Variants in EBLN1 observed in about 807,000 individuals in gnomAD.
The protein encoded by EBLN1 is endogenous Bornavirus-like nucleoprotein 1.
A neutral mutation model predicts 0.8 loss-of-function variants in EBLN1; 1 was observed. The ratio of observed to expected loss-of-function variants is 1.32; its 90% CI spans 0.47 to 6.26. The LOEUF (loss-of-function observed/expected upper bound fraction) is 6.26, where lower values mean the gene tolerates loss of function less well. Among genes scored for constraint, EBLN1 ranks in the 30% most tolerant of loss-of-function variants. EBLN1 has a pLI of 0.15. For synonymous variants in EBLN1, 158 were observed against 158.5 expected (o/e 1.00, Z 0.02); for missense variants, 396 against 447.9 (o/e 0.88, Z 1.05).
intron 2 of EBLN1, among the ~76,000 whole-genome samples, chr10:22,211,681 TAG>T (rs1009827539): frequency 9.9e-5 from 15 of 152,064 alleles, no homozygotes; most frequent in African/African-American, 3.1e-4. Context: ...TTTGTAGAGA[TAG>T]AGTTTCGTCA....
rs547983982 is a variant in EBLN1 at position 22,215,709 on chromosome 10, C to T, written c.-169+2207G>A. Among the ~76,000 whole-genome samples the T allele has an allele frequency of 5.9e-5, 9 of 151,868 alleles. No individual in the cohort carries two copies. In the South Asian group the frequency reaches 1.2e-3, roughly 21 times the overall value. On this transcript the variant is annotated intron_variant, in intron 1 of 2. Transcript: ENST00000422359. ...TGGTGTAGCTTATAAAAACACTACA[C>T]AAGAAATTTTTCCTAAATATGAAAG...
rs397964164 is a variant in EBLN1, at chr10:22,212,972, GA to G, written c.-168-8del. On this transcript the variant is annotated splice_polypyrimidine_tract_variant and splice_region_variant and intron_variant, in intron 1 of 2. Coordinates refer to ENST00000422359, the MANE Select transcript of EBLN1 (RefSeq NM_001394757.1). ...ACAGAGTGAGATCCTGTCTCTAAAA[GA>G]AAAAAAAAAAAAGGTTGTATTAAAA... Among the ~76,000 whole-genome samples, 7,383 of 122,872 alleles carry G rather than the reference GA, an allele frequency of 0.06. 343 individuals are homozygous for G. Among genetic ancestry groups the G allele is most frequent in the African/African-American group, 0.14 (5,009 of 34,918 alleles). The allele number at this position is 122,872 out of a possible 152,430, so 80.6% of individuals were successfully genotyped here.
At position 22,209,778 on chromosome 10, in the gene EBLN1, C is replaced by A. The variant is rs1036686981; in HGVS notation, c.206G>T (p.Arg69Ile). Residue 69 changes from arginine (R) to isoleucine (I), a missense_variant, in exon 3 of 3, where the codon AGA becomes ATA. Transcript: ENST00000422359. ...ATKSMLDPAQ[R>I]SHFYLVTPSL... ...TGGGGTTACAAGGTAAAAATGAGAT[C>A]TCTGTGCTGGGTCTAGCATAGACTT... 3.9e-6 allele frequency: 6 copies of A among 1,535,772 alleles called. No homozygotes were observed. The highest frequency in any genetic ancestry group is 5.2e-6 in the Non-Finnish European group (6 of 1,146,886).
intron 2 of EBLN1, among the ~76,000 whole-genome samples, chr10:22,211,222 G>C (rs1834750582): frequency 6.6e-6 from 1 of 152,078 alleles, no homozygotes; most frequent in African/African-American, 2.4e-5. Context: ...CTTTTGATTT[G>C]GGTGGTAAGT....
intron 1 of EBLN1, among the ~76,000 whole-genome samples, chr10:22,216,869 A>C (rs990364998): frequency 2.0e-5 from 3 of 152,152 alleles, no homozygotes; most frequent in African/African-American, 7.2e-5. Context: ...GTTTTGCCAA[A>C]ATCCACATAA....
chr10:22,210,519 T>A (rs1834742437), intron 2 of EBLN1, among the ~76,000 whole-genome samples: 1 of 152,220 alleles, frequency 6.6e-6, no homozygotes, highest in African/African-American at 2.4e-5. Context: ...ATAAGGAATT[T>A]TTCCCTAAAT....
intron 1 of EBLN1, among the ~76,000 whole-genome samples, chr10:22,216,000 C>T (rs1402068920): frequency 1.3e-5 from 2 of 152,014 alleles, no homozygotes; most frequent in Non-Finnish European, 2.9e-5. Context: ...TTTATATTTT[C>T]AAATTATCTT....
At chr10:22,216,302 C>A (rs1034445410) in intron 1 of EBLN1, among the ~76,000 whole-genome samples, 4 of 152,072 alleles carry the variant, frequency 2.6e-5, no homozygotes, top group Non-Finnish European at 4.4e-5. Flanking sequence ...TGATAACATA[C>A]CCCTCAATCC....
intron 1 of EBLN1, among the ~76,000 whole-genome samples, chr10:22,214,416 C>T (rs1046991662): frequency 1.3e-5 from 2 of 151,748 alleles, no homozygotes; most frequent in African/African-American, 2.4e-5. Context: ...CCTTCTTCCT[C>T]AGCCTCCTGA....
At position 22,209,291 on chromosome 10, in the gene EBLN1, T is replaced by C. The variant is rs1834723082; in HGVS notation, c.693A>G (p.Lys231=). ...LLDQVKVVAS[K]AQMMTYYTVR... ...CAGTGTAGTAGGTCATCATCTGTGC[T>C]TTGCTGGCAACTACTTTAACTTGAT... Residue 231 remains lysine, a synonymous_variant, in exon 3 of 3, where the codon AAA becomes AAG. Coordinates refer to ENST00000422359, the MANE Select transcript of EBLN1 (RefSeq NM_001394757.1). 1 of 1,595,644 alleles carries C rather than the reference T, an allele frequency of 6.3e-7. No homozygotes were observed.
rs1309577034 is a variant in EBLN1, at chr10:22,209,062, A to G, written c.922T>C (p.Trp308Arg). 8 of 1,536,504 alleles carry G rather than the reference A, an allele frequency of 5.2e-6. No homozygotes were observed. The highest frequency in any genetic ancestry group is 2.4e-5 in the East Asian group (1 of 40,934). ...AATGTGGAATTCCTTCTTTTGGCCC[A>G]GTAGTTTGCTGCTGTTGCTAGGTTT... Reference protein sequence around the residue: ...FPNLATAANYWAKRRNSTFSG... With the variant: ...FPNLATAANYRAKRRNSTFSG... Residue 308 changes from tryptophan (W) to arginine (R), a missense_variant, in exon 3 of 3, where the codon TGG becomes CGG. Physicochemically the swap from Trp to Arg is moderately radical, Grantham distance 101. Transcript: ENST00000422359.
intron 1 of EBLN1, among the ~76,000 whole-genome samples, chr10:22,216,141 G>A (rs988646030): frequency 6.6e-6 from 1 of 151,710 alleles, no homozygotes; most frequent in Non-Finnish European, 1.5e-5. Context: ...TTCAGACTCA[G>A]TGTTTCAATA....
At position 22,209,637 on chromosome 10, in the gene EBLN1, A is replaced by G. The variant is rs1166337142; in HGVS notation, c.347T>C (p.Leu116Pro). ...AACATCTTCAAATTTGCTAGCATAG[A>G]GAGTACCTGTTTCCTTGTTCTCATT... ...IGNENKETGT[L>P]YASKFEDVLP... The change falls in exon 3 of 3, where the codon CTC (leucine) becomes CCC (proline). Residue 116 changes from leucine to proline, a missense_variant. Transcript: ENST00000422359. 18 of 1,535,710 alleles carry G rather than the reference A, an allele frequency of 1.2e-5. No homozygotes were observed. Among genetic ancestry groups the G allele is most frequent in the Admixed American group, 5.9e-5 (3 of 50,986 alleles).
Position 22,209,174 on chromosome 10 carries a change from C to T in EBLN1, c.810G>A (p.Leu270=), listed in dbSNP as rs1319698424. The change falls in exon 3 of 3, where the codon CTG becomes CTA. Residue 270 remains leucine (L), a synonymous_variant. Transcript: ENST00000422359. ...AGAAATCTCCAAGTACCTTTTTAGC[C>T]AGTGGTTTCTTCTGCTCAAAAACTG... The part of the protein sequence containing the change: ...EIPVFEQKKP[L]AKKVLGDFFE... The T allele has an allele frequency of 1.0e-5, 16 of 1,535,938 alleles. No individual in the cohort carries two copies. The highest frequency in any genetic ancestry group is 1.4e-5 in the Non-Finnish European group (16 of 1,147,030).
rs1406965134 is a variant in EBLN1 at position 22,209,472 on chromosome 10, G to T, written c.512C>A (p.Ser171Tyr). ...TTCACTATGCAAAGGTCTTCCAATGGATATCATCATTGCCTTGAATTGTCT... is the reference window on the plus strand; with the variant it reads ...TTCACTATGCAAAGGTCTTCCAATGTATATCATCATTGCCTTGAATTGTCT... ...VQRQFKAMMI[S>Y]IGRPLHSESA... Residue 171 changes from serine (S) to tyrosine (Y), a missense_variant, in exon 3 of 3, where the codon TCC becomes TAC. Ser to Tyr is a moderately radical substitution (Grantham distance 144). Transcript: ENST00000422359. The T allele has an allele frequency of 6.3e-7, 1 of 1,596,756 alleles. No individual in the cohort carries two copies. The highest frequency in any genetic ancestry group is 1.3e-5 in the African/African-American group (1 of 74,904).
At position 22,215,241 on chromosome 10, in the gene EBLN1, T is replaced by C. The variant is rs559375993; in HGVS notation, c.-168-2276A>G. 1.2e-3 allele frequency among the ~76,000 whole-genome samples: 177 copies of C among 152,324 alleles called. 1 individual carries two copies. Among genetic ancestry groups the C allele is most frequent in the Middle Eastern group, 6.8e-3 (2 of 294 alleles). ...TTGTGGTGATGGTTGCACAACCCTA[T>C]GAATATACTCAAAAGTCACTCAACT... On this transcript the variant is annotated intron_variant, in intron 1 of 2. Transcript: ENST00000422359.
rs777378822 is a variant in EBLN1 at position 22,209,294 on chromosome 10, G to A, written c.690C>T (p.Ser230=). ...TGTAGTAGGTCATCATCTGTGCTTT[G>A]CTGGCAACTACTTTAACTTGATCAA... is the stretch of plus-strand genomic sequence containing the variant. ...ELLDQVKVVA[S]KAQMMTYYTV... The change falls in exon 3 of 3, where the codon AGC becomes AGT. Residue 230 remains serine (S), a synonymous_variant. Coordinates refer to ENST00000422359, the MANE Select transcript of EBLN1 (RefSeq NM_001394757.1). The A allele has an allele frequency of 1.3e-6, 2 of 1,596,234 alleles. No individual in the cohort carries two copies. The highest frequency in any genetic ancestry group is 2.2e-5 in the South Asian group (2 of 90,518).
chr10:22,209,559 T>C lies in EBLN1; in HGVS notation c.425A>G (p.Asp142Gly). The C allele has an allele frequency of 1.4e-6, 2 of 1,460,898 alleles. No homozygotes were observed. Among genetic ancestry groups the C allele is most frequent in the Non-Finnish European group, 1.8e-6 (2 of 1,086,156 alleles). 90.5% of individuals were successfully genotyped at this position (1,460,898 alleles called of 1,614,324 possible). Residue 142 changes from aspartate (D) to glycine (G), a missense_variant, in exon 3 of 3, where the codon GAT becomes GGT. By Grantham distance (94) the Asp-to-Gly change is moderately conservative. Coordinates refer to ENST00000422359, the MANE Select transcript of EBLN1 (RefSeq NM_001394757.1). ...CGATCCGGCAGCAATGCCTATCAGA[T>C]CACAGCAGTGACGCAGAATTGATGA... ...EMSSILRHCC[D>G]LIGIAAGSSD...
rs1834717812 is a variant in EBLN1 at position 22,208,949 on chromosome 10, T to C, written c.1035A>G (p.Arg345=). 2 of 1,535,620 alleles carry C rather than the reference T, an allele frequency of 1.3e-6. No homozygotes were observed. Among genetic ancestry groups the C allele is most frequent in the Admixed American group, 2.0e-5 (1 of 50,990 alleles). Residue 345 remains arginine, a synonymous_variant, in exon 3 of 3, where the codon AGA becomes AGG. Coordinates refer to ENST00000422359, the MANE Select transcript of EBLN1 (RefSeq NM_001394757.1). ...LQMASAQKIS[R]GSDMDPYTLN... ...GTGTATATGGATCCATGTCACTTCC[T>C]CTGGAGATTTTCTGAGCAGATGCCA...
Sources: gnomAD v4.1 joint callset for allele counts (sites outside exome capture counted in the v4.1 genomes callset) on GRCh38, gnomAD v4.1.1 for gene constraint, MANE v1.5 for transcripts, NCBI Gene and HGNC (gene_info 2026-07-23, HGNC 2026-07-21) for gene names.